The following ADCY5 variants were observed in gnomAD, a reference collection of about 807,000 sequenced individuals.
ADCY5 encodes adenylate cyclase 5, also known as adenylate cyclase type 5.
Under a neutral mutation model 119.7 loss-of-function variants are expected in ADCY5, and 30 were observed. The ratio of observed to expected loss-of-function variants is 0.25; its 90% CI spans 0.19 to 0.34. The LOEUF (loss-of-function observed/expected upper bound fraction) is 0.34, where lower values mean the gene tolerates loss of function less well. ADCY5 is among the 10% of genes least tolerant of loss of function. The pLI is 1.00. For synonymous variants in ADCY5, 753 were observed against 762.2 expected, an observed-to-expected ratio of 0.99 and a Z score of 0.20; for missense variants, 1,324 against 1,775.2, an observed-to-expected ratio of 0.75 and a Z score of 4.57.
chr3:123,442,754 A>T (rs1945744225), intron 1 of ADCY5, among the ~76,000 whole-genome samples: 2 of 152,064 alleles, frequency 1.3e-5, no homozygotes, highest in African/African-American at 4.8e-5. Flanking sequence ...CACTCTAGGG[A>T]TCTAGAAGAC....
At chr3:123,344,692 A>G (rs1464356119) in intron 3 of ADCY5, among the ~76,000 whole-genome samples, 1 of 152,128 alleles carries the variant, frequency 6.6e-6, no homozygotes, top group Non-Finnish European at 1.5e-5. Flanking sequence ...TTTTTAAACT[A>G]TGATGTCACC....
chr3:123,360,625 G>A (rs902083022), intron 1 of ADCY5, among the ~76,000 whole-genome samples: 3 of 152,060 alleles, frequency 2.0e-5, no homozygotes, highest in Non-Finnish European at 4.4e-5. Flanking sequence ...TACTCACTGT[G>A]TCTGAAAAAA....
At chr3:123,439,611 C>T (rs937811658) in intron 1 of ADCY5, among the ~76,000 whole-genome samples, 2 of 150,990 alleles carry the variant, frequency 1.3e-5, no homozygotes, top group African/African-American at 2.4e-5. Flanking sequence ...GGGTTTGGTA[C>T]TATCCACGAT....
rs184784337 is a variant in ADCY5, at chr3:123,324,155, T to G, written c.2088+1167A>C. ...ATGGGGGTCTTGGCTCAATTCACTTTCCCTCCTGTACATTTTCCTTAAGCT... is the reference window on the plus strand; with the variant it reads ...ATGGGGGTCTTGGCTCAATTCACTTGCCCTCCTGTACATTTTCCTTAAGCT... On this transcript the variant is annotated intron_variant, in intron 8 of 20. Coordinates refer to ENST00000462833, the MANE Select transcript of ADCY5 (RefSeq NM_183357.3). 7.1e-3 allele frequency among the ~76,000 whole-genome samples: 1,082 copies of G among 152,172 alleles called. 9 individuals carry two copies. The highest frequency in any genetic ancestry group is 0.024 in the African/African-American group (985 of 41,502).
At chr3:123,290,389 G>T (rs779363284) in intron 18 of ADCY5, among the ~76,000 whole-genome samples, 1 of 152,118 alleles carries the variant, frequency 6.6e-6, no homozygotes, top group Non-Finnish European at 1.5e-5. Context: ...CCACTGCCCC[G>T]GGAGTCTTGC....
intron 1 of ADCY5, among the ~76,000 whole-genome samples, chr3:123,358,373 G>A (rs1000642067): frequency 1.3e-5 from 2 of 152,190 alleles, no homozygotes; most frequent in Non-Finnish European, 2.9e-5. Context: ...GGGAGGCCAA[G>A]GTGGGAATAT....
intron 1 of ADCY5, among the ~76,000 whole-genome samples, chr3:123,435,031 T>C (rs566202342): frequency 1.1e-4 from 16 of 152,246 alleles, no homozygotes; most frequent in African/African-American, 3.9e-4. Flanking sequence ...ACACCTATAA[T>C]CCCAGCACTT....
rs538518382 is a variant in ADCY5 at position 123,402,744 on chromosome 3, T to A, written c.1134+44668A>T. ...GGTGGGTGCCTGTAGTCCCAGCTAC[T>A]CGGGAGGCAGAGGCAGGAGAATGGC... On this transcript the variant is annotated intron_variant, in intron 1 of 20. Transcript: ENST00000462833. 2.8e-4 allele frequency among the ~76,000 whole-genome samples: 42 copies of A among 151,646 alleles called. 2 individuals carry two copies. In the South Asian group the frequency reaches 3.8e-3, roughly 14 times the overall value.
intron 17 of ADCY5, 134 bp from the exon 18 acceptor site, chr3:123,291,510 A>G: frequency 9.0e-7 from 1 of 1,109,478 alleles, no homozygotes; most frequent in Non-Finnish European, 1.3e-6. Context: ...GGATGTTGGC[A>G]AGTACCGCTG....
At position 123,286,063 on chromosome 3, in the gene ADCY5, G is replaced by C. The variant is rs1938734378; in HGVS notation, c.3657+622C>G. On this transcript the variant is annotated intron_variant, in intron 20 of 20. Transcript: ENST00000462833. The surrounding 1 kb of genome is among the most constrained non-coding windows in gnomAD (Gnocchi z 4.2). ...GAGAACTGGGGGTGAGGGCCGTGCA[G>C]GAGGACTACTGCCCAGGGCGGTGCC... Among the ~76,000 whole-genome samples the C allele has an allele frequency of 6.6e-6, 1 of 152,182 alleles. No individual in the cohort carries two copies. Among genetic ancestry groups the C allele is most frequent in the South Asian group, 2.1e-4 (1 of 4,824 alleles).
intron 17 of ADCY5, among the ~76,000 whole-genome samples, chr3:123,293,709 T>C (rs1003035611): frequency 3.9e-5 from 6 of 152,054 alleles, no homozygotes; most frequent in African/African-American, 9.7e-5. Flanking sequence ...GCCCGAGGTA[T>C]TGGATTAAAA....
At chr3:123,396,800 AGGCAGGCAGGCAGGCAGGC>A in intron 1 of ADCY5, among the ~76,000 whole-genome samples, 1 of 85,886 alleles carries the variant, frequency 1.2e-5, no homozygotes, top group Admixed American at 1.1e-4. Flanking sequence ...GCAGGCAGGC[AGGCAGGCAGGCAGGCAGGC>A]GAGAGAGAGA....
intron 1 of ADCY5, among the ~76,000 whole-genome samples, chr3:123,402,810 G>A (rs1055928433): frequency 4.1e-5 from 6 of 145,614 alleles, no homozygotes; most frequent in South Asian, 2.2e-4. Flanking sequence ...CCGAGATCGC[G>A]CCACTGCACT....
At chr3:123,336,793 C>T (rs1942050880) in intron 3 of ADCY5, among the ~76,000 whole-genome samples, 1 of 152,214 alleles carries the variant, frequency 6.6e-6, no homozygotes, top group African/African-American at 2.4e-5. Context: ...TCATTCTCCA[C>T]AGATGACCCT....
chr3:123,423,510 T>G (rs1945343390), intron 1 of ADCY5, among the ~76,000 whole-genome samples: 2 of 152,084 alleles, frequency 1.3e-5, no homozygotes, highest in African/African-American at 4.8e-5. Flanking sequence ...TGGGTCCTGA[T>G]GGGAGGGAAG....
intron 3 of ADCY5, among the ~76,000 whole-genome samples, chr3:123,344,175 T>C (rs531002614): frequency 6.6e-6 from 1 of 152,304 alleles, no homozygotes; most frequent in African/African-American, 2.4e-5. Flanking sequence ...CTTCCTTAGA[T>C]CCAGGCCCAG....
At chr3:123,360,338 G>A (rs117941488) in intron 1 of ADCY5, among the ~76,000 whole-genome samples, 2 of 152,150 alleles carry the variant, frequency 1.3e-5, no homozygotes, top group East Asian at 3.9e-4. Flanking sequence ...CTCCTTTCCA[G>A]CTAGGATCTA....
chr3:123,327,742 T>C lies in ADCY5; in HGVS notation c.1823A>G (p.Lys608Arg), dbSNP rs779264573. The C allele has an allele frequency of 5.0e-6, 8 of 1,614,068 alleles. No individual in the cohort carries two copies. In the East Asian group the frequency reaches 1.6e-4, roughly 31 times the overall value. ...GGKAGRIHIT[K>R]ATLNYLNGDY... ...CCCATTCAGGTAGTTGAGTGTAGCC[T>C]TGGTGATGTGGATGCGTCTACAGGG... The change falls in exon 7 of 21, where the codon AAG becomes AGG. Residue 608 changes from lysine (K) to arginine (R), a missense_variant. By Grantham distance (26) the Lys-to-Arg change is conservative. Around this residue, in one of 6 missense-constraint regions of ADCY5, gnomAD observed 424 missense variants for 546.8 expected, o/e 0.78. Coordinates refer to ENST00000462833, the MANE Select transcript of ADCY5 (RefSeq NM_183357.3).
chr3:123,413,062 C>A (rs541939060), intron 1 of ADCY5, among the ~76,000 whole-genome samples: 1 of 152,348 alleles, frequency 6.6e-6, no homozygotes, highest in Admixed American at 6.5e-5. Context: ...ACACAGGCTT[C>A]ATGACGCCGG....
Sources: gnomAD v4.1 joint callset for allele counts (sites outside exome capture counted in the v4.1 genomes callset) on GRCh38, gnomAD v4.1.1 for gene constraint, gnomAD v4.1.1 regional missense constraint, Gnocchi (gnomAD v3.1) non-coding constraint, MANE v1.5 for transcripts, NCBI Gene and HGNC (gene_info 2026-07-23, HGNC 2026-07-21) for gene names.